NDUFC2: variants seen among roughly 807,000 people sequenced by gnomAD.
NDUFC2 encodes the protein NADH:ubiquinone oxidoreductase subunit C2.
Under a neutral mutation model 10.1 loss-of-function variants are expected in NDUFC2, and 2 were observed. That is an observed-to-expected ratio of 0.20 (90% confidence interval 0.08 to 0.62). The LOEUF is 0.62. NDUFC2 is among the 20% of genes least tolerant of loss of function. The pLI is 0.87. For synonymous variants in NDUFC2, 61 were observed against 63.6 expected, an observed-to-expected ratio of 0.96 and a Z score of 0.20; for missense variants, 156 against 159.6, an observed-to-expected ratio of 0.98 and a Z score of 0.12.
At chr11:78,074,919 C>T (rs966723712) in intron 1 of NDUFC2, among the ~76,000 whole-genome samples, 2 of 152,174 alleles carry the variant, frequency 1.3e-5, no homozygotes, top group African/African-American at 2.4e-5. Context: ...ACTCCATAAG[C>T]GTTCGAGATG....
At position 78,079,676 on chromosome 11, in the gene NDUFC2, G is replaced by A. The variant is rs1458020400; in HGVS notation, c.69C>T (p.Pro23=). 1.9e-6 allele frequency: 3 copies of A among 1,609,410 alleles called. No individual in the cohort carries two copies. In the African/African-American group the frequency reaches 4.0e-5, roughly 22 times the overall value. The change falls in exon 1 of 3, where the codon CCC becomes CCT. Residue 23 remains proline (P), a synonymous_variant. Transcript: ENST00000281031. ...AGAGGAGCCGCGGGTCGGTCAGCTT[G>A]GGCGGGGGCAGGCTCCGGGCCTCAT... ...LPDEARSLPP[P]KLTDPRLLYI...
In NDUFC2 at chr11:78,069,238, TAC is replaced by T. The variant is rs1255228027; in HGVS notation, c.*747_*748del. The T allele has an allele frequency of 3.3e-5, 5 of 152,272 alleles. No individual in the cohort carries two copies. The highest frequency in any genetic ancestry group is 7.3e-5 in the Non-Finnish European group (5 of 68,126). 9.4% of individuals were successfully genotyped at this position (152,272 alleles called of 1,614,324 possible). A position where few individuals can be genotyped will look rare whatever the true frequency, so the allele number is the denominator to read the frequency against. On this transcript the variant is annotated 3_prime_UTR_variant, in exon 3 of 3. Coordinates refer to ENST00000281031, the MANE Select transcript of NDUFC2 (RefSeq NM_004549.6). ...AAAAAGTAACCTCATTCCAGTTAGG[TAC>T]AGTCTTTTGCTTCTAATTGCACCAA...
intron 1 of NDUFC2, among the ~76,000 whole-genome samples, chr11:78,075,769 T>G (rs1254335915): frequency 6.6e-6 from 1 of 152,136 alleles, no homozygotes; most frequent in African/African-American, 2.4e-5. Context: ...AAATTTCTTT[T>G]GTAGAGACAA....
At position 78,069,730 on chromosome 11, in the gene NDUFC2, T is replaced by C; in HGVS notation, c.*257A>G. ...GACTTTATTGGCAGTGGGCCAGATT[T>C]GGGTAGTCTGCTAACTCTAAACTAG... On this transcript the variant is annotated 3_prime_UTR_variant, in exon 3 of 3. Coordinates refer to ENST00000281031, the MANE Select transcript of NDUFC2 (RefSeq NM_004549.6). 1 of 721,732 alleles carries C rather than the reference T, an allele frequency of 1.4e-6. No homozygotes were observed. Among genetic ancestry groups the C allele is most frequent in the East Asian group, 2.7e-5 (1 of 36,686 alleles). The allele number at this position is 721,732 out of a possible 1,614,324, so 44.7% of individuals were successfully genotyped here.
rs1858885406 is a variant in NDUFC2 at position 78,069,293 on chromosome 11, G to C, written c.*694C>G. Reference sequence around the variant, plus strand: ...TCCACTGTAGACAGTATTAGCTCCTGAGTCCATTTTCTCCAGGATAACCCA... The same window carrying C: ...TCCACTGTAGACAGTATTAGCTCCTCAGTCCATTTTCTCCAGGATAACCCA... On this transcript the variant is annotated 3_prime_UTR_variant, in exon 3 of 3. Coordinates refer to ENST00000281031, the MANE Select transcript of NDUFC2 (RefSeq NM_004549.6). 1 of 152,684 alleles carries C rather than the reference G, an allele frequency of 6.5e-6. No individual in the cohort carries two copies. Among genetic ancestry groups the C allele is most frequent in the Non-Finnish European group, 1.5e-5 (1 of 68,518 alleles). 9.5% of individuals were successfully genotyped at this position (152,684 alleles called of 1,614,324 possible). A position where few individuals can be genotyped will look rare whatever the true frequency, so the allele number is the denominator to read the frequency against.
chr11:78,069,810 C>A lies in NDUFC2; in HGVS notation c.*177G>T. 7.1e-7 allele frequency: 1 copy of A among 1,402,340 alleles called. No homozygotes were observed. Among genetic ancestry groups the A allele is most frequent in the South Asian group, 1.3e-5 (1 of 76,810 alleles). The allele number at this position is 1,402,340 out of a possible 1,614,324, so 86.9% of individuals were successfully genotyped here. On this transcript the variant is annotated 3_prime_UTR_variant, in exon 3 of 3. Transcript: ENST00000281031. ...TGGGTGAATGGAAACTGACCATTCT[C>A]TGATGATGAACTATTTTTCTTACAA...
chr11:78,072,739 T>C, intron 2 of NDUFC2: 2 of 544,636 alleles, frequency 3.7e-6, no homozygotes, highest in Non-Finnish European at 6.4e-6. Flanking sequence ...AGGTGGACAG[T>C]AGTGCCATTC....
chr11:78,071,093 G>C (rs767880648), intron 2 of NDUFC2, among the ~76,000 whole-genome samples: 1 of 152,114 alleles, frequency 6.6e-6, no homozygotes, highest in Non-Finnish European at 1.5e-5. Context: ...GGCAAAAAAA[G>C]AAACTGTATC....
intron 1 of NDUFC2, among the ~76,000 whole-genome samples, chr11:78,075,181 C>A (rs1859193253): frequency 6.6e-6 from 1 of 152,040 alleles, no homozygotes. Context: ...CTTAGCATAC[C>A]AACTAACTCT....
At chr11:78,072,720 T>C in intron 2 of NDUFC2, 1 of 497,776 alleles carries the variant, frequency 2.0e-6, no homozygotes, top group East Asian at 3.3e-5. Flanking sequence ...GCTTCTGGCT[T>C]GAGTGTCCAG....
rs534422577 is a variant in NDUFC2 at position 78,079,509 on chromosome 11, T to C, written c.166+70A>G. 2.0e-6 allele frequency: 3 copies of C among 1,511,568 alleles called. No individual in the cohort carries two copies. The South Asian group carries it at 3.7e-5, about 19-fold the overall frequency. 93.6% of individuals were successfully genotyped at this position (1,511,568 alleles called of 1,614,324 possible). ...AAAAGCAGAGCACCTCAGGGGGGCC[T>C]ACGGCCGGGCCAGTCTGCAGCCCTA... On this transcript the variant is annotated intron_variant, in intron 1 of 2. Coordinates refer to ENST00000281031, the MANE Select transcript of NDUFC2 (RefSeq NM_004549.6).
In NDUFC2 at chr11:78,073,049, G is replaced by C. The variant is rs773362274; in HGVS notation, c.259C>G (p.Arg87Gly). The C allele has an allele frequency of 8.1e-6, 13 of 1,613,756 alleles. No homozygotes were observed. Among genetic ancestry groups the C allele is most frequent in the Non-Finnish European group, 8.5e-7 (1 of 1,179,974 alleles). ...REDYLYAVRDREMFGYMKLHP... is the reference protein window; with the variant it reads ...REDYLYAVRDGEMFGYMKLHP... ...AATTTCATATATCCAAACATTTCAC[G>C]GTCCCTCACAGCATACAGGTAGTCT... Residue 87 changes from arginine to glycine, a missense_variant, in exon 2 of 3, where the codon CGT becomes GGT. Arg to Gly is a moderately radical substitution (Grantham distance 125). Transcript: ENST00000281031.
chr11:78,070,065 A>G, intron 2 of NDUFC2, 29 bp from the exon 3 acceptor site: 1 of 1,422,736 alleles, frequency 7.0e-7, no homozygotes, highest in African/African-American at 1.4e-5. Context: ...TAAAAGATTT[A>G]TTTTAAAAAT....
At chr11:78,072,815 G>A in intron 2 of NDUFC2, 183 bp downstream of exon 2, 1 of 851,904 alleles carries the variant, frequency 1.2e-6, no homozygotes, top group Non-Finnish European at 1.8e-6. Flanking sequence ...TTTGTTTGCT[G>A]TCCAAAGGAC....
Position 78,068,693 on chromosome 11 carries a change from G to A in NDUFC2, c.*1294C>T, listed in dbSNP as rs1045875604. Reference sequence around the variant, plus strand: ...CCAGCTACTCGGGAGGCTGAGGCAGGAGAATTGCTTGAACCCAGGAGGTGG... The same window carrying A: ...CCAGCTACTCGGGAGGCTGAGGCAGAAGAATTGCTTGAACCCAGGAGGTGG... On this transcript the variant is annotated 3_prime_UTR_variant, in exon 3 of 3. Transcript: ENST00000281031. 6.6e-6 allele frequency: 1 copy of A among 151,722 alleles called. No homozygotes were observed. The highest frequency in any genetic ancestry group is 1.5e-5 in the Non-Finnish European group (1 of 68,004). 9.4% of individuals were successfully genotyped at this position (151,722 alleles called of 1,614,324 possible). A position where few individuals can be genotyped will look rare whatever the true frequency, so the allele number is the denominator to read the frequency against.
At chr11:78,071,252 G>T (rs1055552141) in intron 2 of NDUFC2, among the ~76,000 whole-genome samples, 4 of 138,982 alleles carry the variant, frequency 2.9e-5, no homozygotes, top group East Asian at 2.1e-4. Flanking sequence ...ATTAACAGAA[G>T]AATTTTTTTT....
chr11:78,072,888 T>G, intron 2 of NDUFC2, 110 bp downstream of exon 2: 1 of 1,430,924 alleles, frequency 7.0e-7, no homozygotes, highest in South Asian at 1.4e-5. Context: ...GACTAAGATG[T>G]GGGAGTCAAC....
At position 78,073,382 on chromosome 11, in the gene NDUFC2, C is replaced by G. The variant is rs544970964; in HGVS notation, c.167-241G>C. On this transcript the variant is annotated intron_variant, in intron 1 of 2. Coordinates refer to ENST00000281031, the MANE Select transcript of NDUFC2 (RefSeq NM_004549.6). Reference sequence around the variant, plus strand: ...TGGCGGGTGCCTGTAGTCTCAGCTACTTGGGAGGCTGAGGCAGGCGAATCA... The same window carrying G: ...TGGCGGGTGCCTGTAGTCTCAGCTAGTTGGGAGGCTGAGGCAGGCGAATCA... Among the ~76,000 whole-genome samples the G allele has an allele frequency of 9.9e-5, 15 of 152,042 alleles. No homozygotes were observed. The South Asian group carries it at 1.5e-3, about 15-fold the overall frequency.
chr11:78,072,338 C>T (rs960558756), intron 2 of NDUFC2, among the ~76,000 whole-genome samples: 3 of 152,154 alleles, frequency 2.0e-5, no homozygotes, highest in Non-Finnish European at 4.4e-5. Context: ...CCATCATGCC[C>T]GGCTAATTTT....
Sources: allele counts gnomAD v4.1 joint callset (sites outside exome capture counted in the v4.1 genomes callset), GRCh38; gene constraint gnomAD v4.1.1; transcripts MANE v1.5; gene names NCBI Gene and HGNC (gene_info 2026-07-23, HGNC 2026-07-21).